ADAM29: variants seen among roughly 807,000 people sequenced by gnomAD.
The protein encoded by ADAM29 is ADAM metallopeptidase domain 29.
For missense variants in ADAM29, 969 were observed against 1,001.8 expected (o/e 0.97, Z 0.44); for synonymous variants, 367 against 342.3 (o/e 1.07, Z -0.80).
chr4:174,965,516 TATCTATC>T (rs1318109491), intron 4 of ADAM29, among the ~76,000 whole-genome samples: 52 of 149,932 alleles, frequency 3.5e-4, no homozygotes, highest in African/African-American at 9.8e-4. Context: ...TCTATCTATC[TATCTATC>T]ATCTATCATC....
intron 4 of ADAM29, among the ~76,000 whole-genome samples, chr4:174,950,437 A>C (rs1745102674): frequency 6.6e-6 from 1 of 152,182 alleles, no homozygotes; most frequent in Admixed American, 6.5e-5. Flanking sequence ...TAAGCCTAGG[A>C]ACTTTTGAAT....
At chr4:174,965,278 T>A (rs1746082818) in intron 4 of ADAM29, among the ~76,000 whole-genome samples, 1 of 152,050 alleles carries the variant, frequency 6.6e-6, no homozygotes. Flanking sequence ...CAGACCCTTT[T>A]TGAACAACCA....
At chr4:174,930,102 G>A (rs1402236181) in intron 2 of ADAM29, among the ~76,000 whole-genome samples, 2 of 151,950 alleles carry the variant, frequency 1.3e-5, no homozygotes, top group Non-Finnish European at 2.9e-5. Flanking sequence ...CTCATTTTTT[G>A]TATTTTTAGT....
rs114894290 is a variant in ADAM29 at position 174,936,591 on chromosome 4, A to G, written c.-261-342A>G. On this transcript the variant is annotated intron_variant, in intron 3 of 4. Transcript: ENST00000359240. ...AAAACATTGCAGTTAAAAACTACCT[A>G]TGTATTTGTTCTAAGTTGCTCCCAC... Among the ~76,000 whole-genome samples, 1,035 of 152,070 alleles carry G rather than the reference A, an allele frequency of 6.8e-3. 10 individuals are homozygous for G. Among genetic ancestry groups the G allele is most frequent in the African/African-American group, 0.022 (930 of 41,542 alleles).
chr4:174,943,548 C>T (rs1341137509), intron 4 of ADAM29, among the ~76,000 whole-genome samples: 6 of 152,056 alleles, frequency 3.9e-5, no homozygotes, highest in African/African-American at 1.4e-4. Flanking sequence ...CATCGCTTTC[C>T]ATCAACCATC....
chr4:174,927,886 C>T (rs931756422), intron 2 of ADAM29, among the ~76,000 whole-genome samples: 2 of 152,024 alleles, frequency 1.3e-5, no homozygotes, highest in African/African-American at 4.8e-5. Flanking sequence ...TGGAATCTTG[C>T]TTGGTATTAT....
At chr4:174,934,493 C>T (rs1281990476) in intron 3 of ADAM29, among the ~76,000 whole-genome samples, 2 of 151,966 alleles carry the variant, frequency 1.3e-5, no homozygotes, top group Non-Finnish European at 2.9e-5. Flanking sequence ...TTGTTCAAAA[C>T]ACTTGGGTTT....
At chr4:174,962,860 C>T (rs1375918204) in intron 4 of ADAM29, among the ~76,000 whole-genome samples, 1 of 152,030 alleles carries the variant, frequency 6.6e-6, no homozygotes, top group Non-Finnish European at 1.5e-5. Flanking sequence ...TAGTGAAGAG[C>T]AATTTAGTGT....
intron 4 of ADAM29, among the ~76,000 whole-genome samples, chr4:174,952,669 T>C (rs1389851550): frequency 2.6e-5 from 4 of 152,120 alleles, no homozygotes; most frequent in Non-Finnish European, 5.9e-5. Flanking sequence ...GATGAGAATA[T>C]GTAAACTGAG....
Position 174,918,363 on chromosome 4 carries a change from A to G in ADAM29, c.-665A>G, listed in dbSNP as rs569100115. On this transcript the variant is annotated 5_prime_UTR_variant, in exon 1 of 5. Transcript: ENST00000359240. ...GAAACATTCTTTCCTCCTTTGTGAC[A>G]TCACATCCACTAACCAAATGGGGTG... The G allele has an allele frequency of 6.6e-6, 1 of 152,242 alleles. No individual in the cohort carries two copies. Among genetic ancestry groups the G allele is most frequent in the African/African-American group, 2.4e-5 (1 of 41,524 alleles). The allele number at this position is 152,242 out of a possible 1,614,324, so 9.4% of individuals were successfully genotyped here.
At chr4:174,927,146 C>G (rs1743567297) in intron 2 of ADAM29, among the ~76,000 whole-genome samples, 1 of 152,132 alleles carries the variant, frequency 6.6e-6, no homozygotes, top group Non-Finnish European at 1.5e-5. Flanking sequence ...CTGGAACATT[C>G]AAACACAGGT....
chr4:174,946,415 G>A (rs1030399713), intron 4 of ADAM29, among the ~76,000 whole-genome samples: 1 of 152,006 alleles, frequency 6.6e-6, no homozygotes, highest in Non-Finnish European at 1.5e-5. Context: ...ATGAGGCTTT[G>A]TAGTTATAGA....
chr4:174,929,524 G>A (rs765955819), intron 2 of ADAM29, among the ~76,000 whole-genome samples: 1 of 152,028 alleles, frequency 6.6e-6, no homozygotes, highest in Non-Finnish European at 1.5e-5. Flanking sequence ...CTGCTGGTGC[G>A]CTTCCCGCCT....
chr4:174,939,400 G>T (rs2110966406), intron 4 of ADAM29, among the ~76,000 whole-genome samples: 1 of 152,170 alleles, frequency 6.6e-6, no homozygotes, highest in African/African-American at 2.4e-5. Context: ...TTATTATTCT[G>T]GTTCGAATAT....
chr4:174,969,102 C>T (rs1746324756), intron 4 of ADAM29, among the ~76,000 whole-genome samples: 1 of 151,848 alleles, frequency 6.6e-6, no homozygotes, highest in Non-Finnish European at 1.5e-5. Context: ...AACTTAGTCT[C>T]TTATTTTCCA....
chr4:174,928,307 G>T (rs1214111046), intron 2 of ADAM29, among the ~76,000 whole-genome samples: 2 of 151,950 alleles, frequency 1.3e-5, no homozygotes, highest in Non-Finnish European at 2.9e-5. Flanking sequence ...AGCTGAGATG[G>T]GTGTGCAGGT....
chr4:174,961,827 C>T (rs550688073), intron 4 of ADAM29, among the ~76,000 whole-genome samples: 1 of 152,312 alleles, frequency 6.6e-6, no homozygotes, highest in Admixed American at 6.5e-5. Flanking sequence ...AGAGCACACA[C>T]TTTGCTTAAA....
rs1313782914 is a variant in ADAM29, at chr4:174,977,753, C to G, written c.2228C>G (p.Pro743Arg). 4 of 1,603,982 alleles carry G rather than the reference C, an allele frequency of 2.5e-6. No individual in the cohort carries two copies. The Middle Eastern group carries it at 5.1e-4, about 205-fold the overall frequency. Residue 743 changes from proline (P) to arginine (R), a missense_variant, in exon 5 of 5, where the codon CCT becomes CGT. Pro to Arg is a moderately radical substitution (Grantham distance 103). Coordinates refer to ENST00000359240, the MANE Select transcript of ADAM29 (RefSeq NM_014269.4). ...TGGGTGATGCCTTCCCAGAGTCAACCTCCTGTGACGCCTTCCCAGAGTCAT... is the reference window on the plus strand; with the variant it reads ...TGGGTGATGCCTTCCCAGAGTCAACGTCCTGTGACGCCTTCCCAGAGTCAT... ...QPWVMPSQSQ[P>R]PVTPSQSHPQ...
chr4:174,957,082 C>A (rs935020913), intron 4 of ADAM29, among the ~76,000 whole-genome samples: 3 of 151,998 alleles, frequency 2.0e-5, no homozygotes, highest in South Asian at 2.1e-4. Context: ...ACACAGGCAA[C>A]AATTGCTTCA....
Sources: allele counts gnomAD v4.1 joint callset (sites outside exome capture counted in the v4.1 genomes callset), GRCh38; gene constraint gnomAD v4.1.1; transcripts MANE v1.5; gene names NCBI Gene and HGNC (gene_info 2026-07-23, HGNC 2026-07-21).